Variants in DEUP1 observed in about 807,000 individuals in gnomAD.
DEUP1 encodes deuterosome assembly protein 1.
A neutral mutation model predicts 87.4 loss-of-function variants in DEUP1; 82 were observed. The observed-to-expected ratio is 0.94, with a 90% CI of 0.78 to 1.13. The LOEUF (loss-of-function observed/expected upper bound fraction) is 1.13, where lower values mean the gene tolerates loss of function less well. Ranked by LOEUF, DEUP1 falls within the 50% of genes most tolerant of loss-of-function variation. The probability of loss-of-function intolerance (pLI) is 0.00; values close to 1 mark genes in which losing one functional copy is unlikely to be tolerated. For synonymous variants in DEUP1, 214 were observed against 222.7 expected (o/e 0.96, Z 0.35); for missense variants, 663 against 681.5 (o/e 0.97, Z 0.30).
At chr11:93,415,432 C>T (rs1465934555) in intron 13 of DEUP1, among the ~76,000 whole-genome samples, 3 of 151,946 alleles carry the variant, frequency 2.0e-5, no homozygotes, top group East Asian at 1.9e-4. Flanking sequence ...CTCAAGGATC[C>T]GTATATTTTA....
At position 93,364,147 on chromosome 11, in the gene DEUP1, C is replaced by A; in HGVS notation, c.298-13C>A. The A allele has an allele frequency of 2.0e-6, 3 of 1,534,900 alleles. No homozygotes were observed. The highest frequency in any genetic ancestry group is 2.7e-6 in the Non-Finnish European group (3 of 1,119,944). ...GGTAATAGTAAAATGTTAACATTTT[C>A]TGTGATTTACAGTTTTCCAAACTAA... On this transcript the variant is annotated splice_polypyrimidine_tract_variant and intron_variant, in intron 4 of 13. Coordinates refer to ENST00000298050, the MANE Select transcript of DEUP1 (RefSeq NM_181645.4).
Position 93,437,833 on chromosome 11 carries a change from G to T in DEUP1, c.*114G>T. The T allele has an allele frequency of 1.5e-6, 1 of 665,468 alleles. No homozygotes were observed. Among genetic ancestry groups the T allele is most frequent in the Non-Finnish European group, 2.6e-6 (1 of 382,360 alleles). The allele number at this position is 665,468 out of a possible 1,614,324, so 41.2% of individuals were successfully genotyped here. ...CCAAGAAATTCTGTTCTGTTTCCTT[G>T]AGTAAATAATTTCCGTAAGGCAGCT... On this transcript the variant is annotated 3_prime_UTR_variant, in exon 14 of 14. Coordinates refer to ENST00000298050, the MANE Select transcript of DEUP1 (RefSeq NM_181645.4).
chr11:93,437,954 A>C lies in DEUP1; in HGVS notation c.*235A>C. ...GTAGAGTTACTATAAAATAAACATG[A>C]CTATTCCAAAAGAGATTTTTTTCCA... On this transcript the variant is annotated 3_prime_UTR_variant, in exon 14 of 14. Transcript: ENST00000298050. 3.3e-6 allele frequency: 1 copy of C among 307,464 alleles called. No individual in the cohort carries two copies. The highest frequency in any genetic ancestry group is 6.0e-6 in the Non-Finnish European group (1 of 166,588). The allele number at this position is 307,464 out of a possible 1,614,324, so 19.0% of individuals were successfully genotyped here.
chr11:93,411,469 G>C (rs1038728551), intron 12 of DEUP1, among the ~76,000 whole-genome samples: 2 of 152,020 alleles, frequency 1.3e-5, no homozygotes, highest in African/African-American at 2.4e-5. Context: ...AAGCAACTCG[G>C]TTTTGTTGTT....
chr11:93,348,867 A>C (rs1172172375), intron 2 of DEUP1, among the ~76,000 whole-genome samples: 1 of 152,140 alleles, frequency 6.6e-6, no homozygotes, highest in Non-Finnish European at 1.5e-5. Context: ...CATTATAGCA[A>C]TGTATCTGAT....
chr11:93,371,389 G>C, intron 7 of DEUP1, 109 bp downstream of exon 7: 1 of 1,164,520 alleles, frequency 8.6e-7, no homozygotes, highest in Non-Finnish European at 1.2e-6. Flanking sequence ...TAATATATGT[G>C]AAGATTCCAT....
chr11:93,391,447 C>A (rs201180969), intron 9 of DEUP1, among the ~76,000 whole-genome samples: 2 of 152,024 alleles, frequency 1.3e-5, no homozygotes, highest in African/African-American at 2.4e-5. Flanking sequence ...CCGTGGCTCA[C>A]GCCTGTAATC....
chr11:93,402,048 G>A (rs931736407), intron 11 of DEUP1, among the ~76,000 whole-genome samples: 1 of 151,560 alleles, frequency 6.6e-6, no homozygotes, highest in South Asian at 2.1e-4. Context: ...GCAAAGAAAA[G>A]AATCAACAAA....
At chr11:93,436,697 C>T (rs2134525811) in intron 13 of DEUP1, among the ~76,000 whole-genome samples, 1 of 152,116 alleles carries the variant, frequency 6.6e-6, no homozygotes, top group Middle Eastern at 3.4e-3. Context: ...TTGTCGACTC[C>T]CCAAACACTA....
At chr11:93,410,096 G>C (rs1382296994) in intron 12 of DEUP1, among the ~76,000 whole-genome samples, 1 of 152,048 alleles carries the variant, frequency 6.6e-6, no homozygotes, top group African/African-American at 2.4e-5. Context: ...CATTCTTATG[G>C]GTATAGTACA....
At chr11:93,418,449 C>T (rs1947728371) in intron 13 of DEUP1, among the ~76,000 whole-genome samples, 1 of 152,164 alleles carries the variant, frequency 6.6e-6, no homozygotes, top group Non-Finnish European at 1.5e-5. Context: ...TATCACTGGC[C>T]ATCAGAGAAA....
chr11:93,352,216 C>T, intron 2 of DEUP1: 1 of 595,688 alleles, frequency 1.7e-6, no homozygotes. Flanking sequence ...CCCAGCCACA[C>T]AAATACATTA....
intron 13 of DEUP1, among the ~76,000 whole-genome samples, chr11:93,416,722 A>T (rs1348402956): frequency 6.6e-6 from 1 of 151,766 alleles, no homozygotes; most frequent in African/African-American, 2.4e-5. Context: ...CAGAGACACA[A>T]CCAAATAAGA....
chr11:93,340,605 A>G (rs1426239117), intron 2 of DEUP1, among the ~76,000 whole-genome samples: 1 of 152,224 alleles, frequency 6.6e-6, no homozygotes, highest in East Asian at 1.9e-4. Context: ...TAGGAGGGTA[A>G]GGGTTGAAAA....
chr11:93,372,331 C>T (rs1010023777), intron 7 of DEUP1, among the ~76,000 whole-genome samples: 19 of 152,264 alleles, frequency 1.2e-4, no homozygotes, highest in African/African-American at 4.6e-4. Flanking sequence ...CTATCACTTC[C>T]TCCATGACAG....
intron 4 of DEUP1, among the ~76,000 whole-genome samples, chr11:93,359,967 G>C (rs1945086864): frequency 6.6e-6 from 1 of 152,008 alleles, no homozygotes; most frequent in Non-Finnish European, 1.5e-5. Flanking sequence ...TGACATTGGA[G>C]AGCCTGGACT....
chr11:93,435,802 C>T (rs1353591146), intron 13 of DEUP1, among the ~76,000 whole-genome samples: 1 of 152,114 alleles, frequency 6.6e-6, no homozygotes, highest in Non-Finnish European at 1.5e-5. Context: ...CGAGACCATC[C>T]TGGCTAACAT....
intron 12 of DEUP1, among the ~76,000 whole-genome samples, chr11:93,410,323 G>T (rs909368787): frequency 6.6e-6 from 1 of 152,190 alleles, no homozygotes; most frequent in Admixed American, 6.5e-5. Context: ...GATAAAAGCA[G>T]TGTAGGAAGG....
chr11:93,382,903 C>T (rs999880372), intron 7 of DEUP1, among the ~76,000 whole-genome samples: 1 of 152,178 alleles, frequency 6.6e-6, no homozygotes, highest in Non-Finnish European at 1.5e-5. Flanking sequence ...CCAAACAAGT[C>T]TATTAAGTCA....
Sources: allele counts gnomAD v4.1 joint callset (sites outside exome capture counted in the v4.1 genomes callset), GRCh38; gene constraint gnomAD v4.1.1; transcripts MANE v1.5; gene names NCBI Gene and HGNC (gene_info 2026-07-23, HGNC 2026-07-21).